The following RPL12 variants were observed in gnomAD, a reference collection of about 807,000 sequenced individuals.
The protein encoded by RPL12 is ribosomal protein L12.
A neutral mutation model predicts 24.5 loss-of-function variants in RPL12; 10 were observed. That is an observed-to-expected ratio of 0.41 (90% CI 0.25 to 0.69). The LOEUF is 0.69. Among genes scored for constraint, RPL12 ranks in the 30% least tolerant of loss-of-function variants. The pLI, the probability that RPL12 is intolerant of heterozygous loss-of-function variation, is 0.33. For missense variants in RPL12, 137 were observed against 205.3 expected, an observed-to-expected ratio of 0.67 and a Z score of 2.03; for synonymous variants, 74 against 76.1, an observed-to-expected ratio of 0.97 and a Z score of 0.14.
At chr9:127,448,783 C>T (rs1834218011) in intron 4 of RPL12, 1 of 412,690 alleles carries the variant, frequency 2.4e-6, no homozygotes, top group South Asian at 2.0e-5. Flanking sequence ...TGACATCTTC[C>T]TCCCACATGC....
At chr9:127,449,755 C>T in intron 2 of RPL12, 47 bp from the exon 3 acceptor site, 1 of 1,489,962 alleles carries the variant, frequency 6.7e-7, no homozygotes, top group Non-Finnish European at 9.3e-7. Context: ...AGGTGAACCA[C>T]AGCCTTGAAA....
At position 127,447,948 on chromosome 9, in the gene RPL12, A is replaced by G. The variant is rs1373714525; in HGVS notation, c.421T>C (p.Cys141Arg). 6.2e-7 allele frequency: 1 copy of G among 1,613,642 alleles called. No individual in the cohort carries two copies. The highest frequency in any genetic ancestry group is 8.5e-7 in the Non-Finnish European group (1 of 1,179,924). ...TGAGGATGGCGGCCATCAACATTAC[A>G]GCCCACTGACTGGGCAGTCCCCAGG... ...EILGTAQSVG[C>R]NVDGRHPHDI... The change falls in exon 6 of 7, where the codon TGT becomes CGT. Residue 141 changes from cysteine to arginine, a missense_variant. Around this residue, in one of 3 missense-constraint regions of RPL12, gnomAD observed 118 missense variants for 160.7 expected, o/e 0.73. Coordinates refer to ENST00000361436, the MANE Select transcript of RPL12 (RefSeq NM_000976.4).
chr9:127,449,497 A>C, intron 3 of RPL12, 113 bp downstream of exon 3: 1 of 1,287,266 alleles, frequency 7.8e-7, no homozygotes, highest in South Asian at 1.2e-5. Context: ...CTCCCCAACA[A>C]GGTGAAATCA....
At chr9:127,448,448 C>T in intron 4 of RPL12, 25 bp from the exon 5 acceptor site, 1 of 1,523,548 alleles carries the variant, frequency 6.6e-7, no homozygotes, top group Non-Finnish European at 9.1e-7. Context: ...ACAGCAAAAG[C>T]TCTTTTAAAG....
At position 127,450,824 on chromosome 9, in the gene RPL12, A is replaced by T; in HGVS notation, c.38-20T>A. ...GGTATACTGGGGGAAAAGAAGAGTT[A>T]GTGTCTGTGCAGAGGGAGCCCCGAG... On this transcript the variant is annotated intron_variant, in intron 1 of 6. Transcript: ENST00000361436. The T allele has an allele frequency of 6.5e-7, 1 of 1,540,280 alleles. No homozygotes were observed. Among genetic ancestry groups the T allele is most frequent in the Non-Finnish European group, 8.8e-7 (1 of 1,139,398 alleles).
chr9:127,449,792 C>T, intron 2 of RPL12, 84 bp from the exon 3 acceptor site: 1 of 1,070,454 alleles, frequency 9.3e-7, no homozygotes, highest in Non-Finnish European at 1.4e-6. Context: ...CACTTGGCAA[C>T]AAAGGAAGCT....
chr9:127,447,845 A>AC lies in RPL12; in HGVS notation c.492+31dup, dbSNP rs768214532. The AC allele has an allele frequency of 3.1e-6, 5 of 1,609,648 alleles. No individual in the cohort carries two copies. The African/African-American group carries it at 4.0e-5, about 13-fold the overall frequency. ...GAATACACTGGGTGGCCCCCCTTTCACCCCTACTGTAACAATGAAAATGTC... is the reference window on the plus strand; with the variant it reads ...GAATACACTGGGTGGCCCCCCTTTCACCCCCTACTGTAACAATGAAAATGTC... On this transcript the variant is annotated intron_variant, in intron 6 of 6. Transcript: ENST00000361436.
Position 127,449,367 on chromosome 9 carries a change from A to C in RPL12, c.211-5T>G. The C allele has an allele frequency of 1.2e-6, 2 of 1,607,192 alleles. No individual in the cohort carries two copies. The highest frequency in any genetic ancestry group is 1.1e-5 in the South Asian group (1 of 91,044). On this transcript the variant is annotated splice_region_variant and splice_polypyrimidine_tract_variant and intron_variant, in intron 3 of 6. Coordinates refer to ENST00000361436, the MANE Select transcript of RPL12 (RefSeq NM_000976.4). ...GGCAGAAGGCACCACCTCAATCTGC[A>C]GAAGAGATTCCTGAGTGAATACTCC...
In RPL12 at chr9:127,451,360, C is replaced by G; in HGVS notation, c.-43G>C. 6.2e-7 allele frequency: 1 copy of G among 1,610,426 alleles called. No individual in the cohort carries two copies. Among genetic ancestry groups the G allele is most frequent in the African/African-American group, 1.3e-5 (1 of 74,996 alleles). ...TCGGATGAACCCGGATTCGGGACGA[C>G]CGAAGGAAGTTGCACCTTGGCCTCC... On this transcript the variant is annotated 5_prime_UTR_variant, in exon 1 of 7. Transcript: ENST00000361436.
At chr9:127,448,489 A>G (rs1278633524) in intron 4 of RPL12, 66 bp from the exon 5 acceptor site, 3 of 1,030,352 alleles carry the variant, frequency 2.9e-6, no homozygotes, top group African/African-American at 3.1e-5. Context: ...TGTGTCCTTC[A>G]TTTCATTTCT....
intron 2 of RPL12, 169 bp from the exon 3 acceptor site, chr9:127,449,877 T>C (rs1335316429): frequency 1.6e-6 from 1 of 627,598 alleles, no homozygotes; most frequent in Admixed American, 2.4e-5. Flanking sequence ...GTTGGGGTTC[T>C]TGTCCAGAAC....
At chr9:127,450,029 C>G (rs1834250320) in intron 2 of RPL12, 1 of 269,004 alleles carries the variant, frequency 3.7e-6, no homozygotes, top group South Asian at 5.3e-5. Flanking sequence ...TCAGACCACC[C>G]ACGTCCATCT....
At chr9:127,448,307 T>TA in intron 5 of RPL12, 30 bp downstream of exon 5, 1 of 1,529,002 alleles carries the variant, frequency 6.5e-7, no homozygotes, top group Non-Finnish European at 9.1e-7. Flanking sequence ...CAACTACAGT[T>TA]ATGGCGGTTA....
At chr9:127,448,305 G>C (rs1481153441) in intron 5 of RPL12, 32 bp downstream of exon 5, 1 of 1,517,810 alleles carries the variant, frequency 6.6e-7, no homozygotes, top group Non-Finnish European at 9.2e-7. Flanking sequence ...CACAACTACA[G>C]TTATGGCGGT....
At position 127,449,674 on chromosome 9, in the gene RPL12, G is replaced by A. The variant is rs1834237345; in HGVS notation, c.146C>T (p.Ala49Val). Residue 49 changes from alanine to valine, a missense_variant, in exon 3 of 7, where the codon GCA becomes GTA. Transcript: ENST00000361436. ...CCTCAGGCCCTTCCAGTCACCCGTT[G>A]CCTTGGCAATGTCATCACCAACTTT... ...PKKVGDDIAKATGDWKGLRIT... is the reference protein window; with the variant it reads ...PKKVGDDIAKVTGDWKGLRIT... 3 of 1,614,008 alleles carry A rather than the reference G, an allele frequency of 1.9e-6. No homozygotes were observed. The highest frequency in any genetic ancestry group is 2.5e-6 in the Non-Finnish European group (3 of 1,179,996).
intron 4 of RPL12, chr9:127,449,033 G>C: frequency 2.5e-6 from 1 of 406,230 alleles, no homozygotes; most frequent in Non-Finnish European, 4.6e-6. Context: ...CACCATGTTG[G>C]CCAGGCTGGT....
In RPL12 at chr9:127,451,306, C is replaced by T. The variant is rs1197790734; in HGVS notation, c.12G>A (p.Lys4=). The T allele has an allele frequency of 2.5e-6, 4 of 1,612,922 alleles. No homozygotes were observed. Among genetic ancestry groups the T allele is most frequent in the Non-Finnish European group, 3.4e-6 (4 of 1,179,976 alleles). The change falls in exon 1 of 7, where the codon AAG becomes AAA. Residue 4 remains lysine (K), a synonymous_variant. Transcript: ENST00000361436. MPP[K]FDPNEIKVVY... is the part of the protein sequence containing the mutation. Reference sequence around the variant, plus strand: ...CGACTTTGATCTCGTTGGGGTCGAACTTCGGCGGCATGGTGGAGGCGGCTG... The same window carrying T: ...CGACTTTGATCTCGTTGGGGTCGAATTTCGGCGGCATGGTGGAGGCGGCTG...
At chr9:127,448,668 T>C (rs1358885767) in intron 4 of RPL12, 3 of 709,234 alleles carry the variant, frequency 4.2e-6, no homozygotes, top group East Asian at 2.7e-5. Flanking sequence ...AAATCTGACA[T>C]GGCAGAAACT....
chr9:127,447,834 G>GC (rs748726806), intron 6 of RPL12, 43 bp downstream of exon 6: 31 of 1,610,412 alleles, frequency 1.9e-5, no homozygotes, highest in South Asian at 8.8e-5. Flanking sequence ...ACACTGGGTG[G>GC]CCCCCCTTTC....
Sources: allele counts gnomAD v4.1 joint callset, GRCh38; gene constraint gnomAD v4.1.1; regional missense constraint gnomAD v4.1.1; transcripts MANE v1.5; gene names NCBI Gene and HGNC (gene_info 2026-07-23, HGNC 2026-07-21).